Variants in DOCK3 observed in about 807,000 individuals in gnomAD.
DOCK3 encodes dedicator of cytokinesis protein 3.
Under a neutral mutation model 265.6 loss-of-function variants are expected in DOCK3, and 60 were observed. The observed-to-expected ratio is 0.23, with a 90% CI of 0.18 to 0.28. DOCK3 has a LOEUF of 0.28. DOCK3 is among the 10% of genes least tolerant of loss of function. DOCK3 has a pLI of 1.00. For synonymous variants in DOCK3, 881 were observed against 938.0 expected, an observed-to-expected ratio of 0.94 and a Z score of 1.11; for missense variants, 1,981 against 2,594.3, an observed-to-expected ratio of 0.76 and a Z score of 5.14.
At chr3:51,023,448 C>A (rs565550255) in intron 5 of DOCK3, among the ~76,000 whole-genome samples, 1 of 152,108 alleles carries the variant, frequency 6.6e-6, no homozygotes, top group Non-Finnish European at 1.5e-5. Flanking sequence ...GACAGAGTCT[C>A]GCTCTGTTGT....
chr3:51,204,682 C>A (rs2089059922), intron 12 of DOCK3, among the ~76,000 whole-genome samples: 1 of 145,648 alleles, frequency 6.9e-6, no homozygotes, highest in Non-Finnish European at 1.5e-5. Context: ...ACCCAAAGGA[C>A]TATAAATCAT....
intron 10 of DOCK3, among the ~76,000 whole-genome samples, chr3:51,158,971 A>G (rs1490151122): frequency 6.6e-6 from 1 of 152,208 alleles, no homozygotes; most frequent in East Asian, 1.9e-4. Flanking sequence ...TATCATGAAG[A>G]TTTCTAATGT....
chr3:50,998,628 A>AT (rs1163659066), intron 5 of DOCK3, among the ~76,000 whole-genome samples: 9 of 152,334 alleles, frequency 5.9e-5, no homozygotes, highest in Non-Finnish European at 1.2e-4. Flanking sequence ...CATCGTTAAT[A>AT]TAGCAATATC....
chr3:51,044,243 A>G (rs2080662571), intron 5 of DOCK3, among the ~76,000 whole-genome samples: 2 of 152,230 alleles, frequency 1.3e-5, no homozygotes, highest in South Asian at 4.1e-4. Context: ...AATACTATGC[A>G]GCCATACAAA....
intron 1 of DOCK3, among the ~76,000 whole-genome samples, chr3:50,725,616 G>A (rs983162218): frequency 1.3e-5 from 2 of 152,104 alleles, no homozygotes; most frequent in South Asian, 4.1e-4. Context: ...TTTGATACAA[G>A]GGTATTGTGG....
At chr3:51,348,983 T>C in intron 39 of DOCK3, 45 bp downstream of exon 39, 1 of 1,277,504 alleles carries the variant, frequency 7.8e-7, no homozygotes, top group Non-Finnish European at 1.0e-6. Context: ...CTGGCATCAG[T>C]TTCTAAATGA....
rs372387158 is a variant in DOCK3, at chr3:51,249,069, C to T, written c.2184+2262C>T. Reference sequence around the variant, plus strand: ...CCGTCTGGGAAGTGAGGAGCGTCTCCGCCCGGCAGCCACCCCGTCCGGGAG... The same window carrying T: ...CCGTCTGGGAAGTGAGGAGCGTCTCTGCCCGGCAGCCACCCCGTCCGGGAG... On this transcript the variant is annotated intron_variant, in intron 22 of 52. Transcript: ENST00000266037. Among the ~76,000 whole-genome samples, 180 of 148,926 alleles carry T rather than the reference C, an allele frequency of 1.2e-3. No homozygotes were observed. In the South Asian group the frequency reaches 0.037, roughly 30 times the overall value.
intron 23 of DOCK3, among the ~76,000 whole-genome samples, chr3:51,262,076 C>CT (rs2108776499): frequency 6.6e-6 from 1 of 152,352 alleles, no homozygotes; most frequent in East Asian, 1.9e-4. Flanking sequence ...AAGGGACAGA[C>CT]TGTCTCCTTA....
At chr3:50,787,489 C>T (rs1180873107) in intron 2 of DOCK3, 3 of 478,146 alleles carry the variant, frequency 6.3e-6, no homozygotes, top group Admixed American at 3.3e-5. Flanking sequence ...GAGCCGAGAT[C>T]GCGCCATTGC....
intron 1 of DOCK3, among the ~76,000 whole-genome samples, chr3:50,678,638 T>G (rs2034157627): frequency 6.6e-6 from 1 of 151,966 alleles, no homozygotes; most frequent in Admixed American, 6.6e-5. Context: ...CTGCTGTCAT[T>G]AGGCAATTTT....
chr3:51,112,966 A>G (rs1371907074), intron 9 of DOCK3, among the ~76,000 whole-genome samples: 1 of 152,212 alleles, frequency 6.6e-6, no homozygotes, highest in East Asian at 1.9e-4. Flanking sequence ...TTTGTTACTA[A>G]TACAGTGCTG....
At chr3:50,977,913 C>A (rs893398088) in intron 5 of DOCK3, among the ~76,000 whole-genome samples, 11 of 152,026 alleles carry the variant, frequency 7.2e-5, no homozygotes, top group Admixed American at 6.6e-4. Context: ...ATCGCTGATA[C>A]CCTTTCTTCC....
At chr3:51,379,102 C>G (rs2110601962) in intron 51 of DOCK3, among the ~76,000 whole-genome samples, 1 of 152,264 alleles carries the variant, frequency 6.6e-6, no homozygotes, top group South Asian at 2.1e-4. Context: ...TCTCTATATT[C>G]TCTCATTCTC....
chr3:50,893,302 C>A, intron 4 of DOCK3: 2 of 263,136 alleles, frequency 7.6e-6, no homozygotes, highest in Non-Finnish European at 1.5e-5. Context: ...CTCAAGACAA[C>A]TCAAAATAAT....
intron 2 of DOCK3, among the ~76,000 whole-genome samples, chr3:50,815,279 G>C (rs973656002): frequency 1.3e-5 from 2 of 151,872 alleles, no homozygotes; most frequent in Admixed American, 6.6e-5. Flanking sequence ...TTAATTCATA[G>C]CTTATCTGTA....
intron 10 of DOCK3, among the ~76,000 whole-genome samples, chr3:51,154,864 C>T (rs749922677): frequency 4.6e-5 from 7 of 152,210 alleles, no homozygotes; most frequent in Non-Finnish European, 1.0e-4. Flanking sequence ...CTTTATTGCA[C>T]ATAACATGCA....
At chr3:51,312,113 G>T in intron 29 of DOCK3, 34 bp downstream of exon 29, 10 of 1,557,474 alleles carry the variant, frequency 6.4e-6, no homozygotes, top group Non-Finnish European at 8.7e-6. Flanking sequence ...CACTATTATT[G>T]CAATAACCTT....
chr3:51,059,455 C>CCACACACA (rs57596003), intron 5 of DOCK3, among the ~76,000 whole-genome samples: 1 of 140,628 alleles, frequency 7.1e-6, no homozygotes, highest in African/African-American at 2.6e-5. Context: ...AGAAAAAAAA[C>CCACACACA]CACACACACA....
rs1435326677 is a variant in DOCK3, at chr3:51,270,957, A to G, written c.2498A>G (p.Lys833Arg). ...ATTGGGCAGTCAATGGACGTGGTCAAGCTGCAGTCCATTGCCAGGACAGTG... is the reference window on the plus strand; with the variant it reads ...ATTGGGCAGTCAATGGACGTGGTCAGGCTGCAGTCCATTGCCAGGACAGTG... ...VHIGQSMDVV[K>R]LQSIARTVDS... The change falls in exon 24 of 53, where the codon AAG (lysine) becomes AGG (arginine). Residue 833 changes from lysine (K) to arginine (R), a missense_variant. Transcript: ENST00000266037. The G allele has an allele frequency of 6.2e-7, 1 of 1,614,016 alleles. No homozygotes were observed. Among genetic ancestry groups the G allele is most frequent in the South Asian group, 1.1e-5 (1 of 91,090 alleles).
Sources: allele counts gnomAD v4.1 joint callset (sites outside exome capture counted in the v4.1 genomes callset), GRCh38; gene constraint gnomAD v4.1.1; transcripts MANE v1.5; gene names NCBI Gene and HGNC (gene_info 2026-07-23, HGNC 2026-07-21).